The following CDH13 variants were observed in gnomAD, a reference collection of about 807,000 sequenced individuals.
The protein encoded by CDH13 is cadherin-13.
Under a neutral mutation model 63.8 loss-of-function variants are expected in CDH13, and 24 were observed. The ratio of observed to expected loss-of-function variants is 0.38; its 90% CI spans 0.27 to 0.53. The LOEUF is 0.53. CDH13 is among the 20% of genes least tolerant of loss of function. CDH13 has a pLI of 0.85. For missense variants in CDH13, 1,049 were observed against 903.1 expected, an observed-to-expected ratio of 1.16 and a Z score of -2.07; for synonymous variants, 503 against 355.3, an observed-to-expected ratio of 1.42 and a Z score of -4.67.
intron 6 of CDH13, among the ~76,000 whole-genome samples, chr16:83,370,387 C>CAA (rs760385414): frequency 0.011 from 1,116 of 104,556 alleles, 15 homozygotes; most frequent in African/African-American, 0.035. Flanking sequence ...GACTCCATTT[C>CAA]AAAAAAAAAA....
chr16:83,566,138 C>T (rs572262517), intron 7 of CDH13, among the ~76,000 whole-genome samples: 1 of 152,200 alleles, frequency 6.6e-6, no homozygotes, highest in East Asian at 1.9e-4. Context: ...TCTAAATTGG[C>T]CTGACAGTAC....
intron 1 of CDH13, among the ~76,000 whole-genome samples, chr16:82,789,020 G>A (rs192854220): frequency 5.9e-4 from 90 of 152,302 alleles, no homozygotes; most frequent in African/African-American, 2.1e-3. Context: ...TCACCTCTGG[G>A]TTGCAAAGGA....
At chr16:83,582,849 C>G (rs955790852) in intron 7 of CDH13, among the ~76,000 whole-genome samples, 2 of 152,196 alleles carry the variant, frequency 1.3e-5, no homozygotes, top group Non-Finnish European at 2.9e-5. Context: ...AGCCTGAACT[C>G]TAAGAAGCAT....
chr16:83,447,096 C>CTTTTTTTTTTTTTTTTTTTTTTTTTTTTT lies in CDH13; in HGVS notation c.782-39379_782-39351dup, dbSNP rs750432481. The stretch of plus-strand genomic sequence containing the variant: ...AAAACAAAAAACACCTTATAGTAAC[C>CTTTTTTTTTTTTTTTTTTTTTTTTTTTTT]TTTTTTTTTTTTTTTTTTTTTTTTT... On this transcript the variant is annotated intron_variant, in intron 6 of 13. Transcript: ENST00000567109. 9.6e-4 allele frequency among the ~76,000 whole-genome samples: 40 copies of CTTTTTTTTTTTTTTTTTTTTTTTTTTTTT among 41,518 alleles called. 10 individuals carry two copies. Among genetic ancestry groups the CTTTTTTTTTTTTTTTTTTTTTTTTTTTTT allele is most frequent in the Non-Finnish European group, 1.4e-3 (29 of 21,118 alleles). 27.2% of individuals were successfully genotyped at this position (41,518 alleles called of 152,430 possible).
intron 7 of CDH13, among the ~76,000 whole-genome samples, chr16:83,487,067 A>G (rs1190513698): frequency 2.0e-5 from 3 of 152,092 alleles, no homozygotes; most frequent in East Asian, 3.9e-4. Flanking sequence ...TCAAATGCCC[A>G]TGACTCCTTT....
At chr16:83,207,103 AT>A (rs954558556) in intron 4 of CDH13, among the ~76,000 whole-genome samples, 5 of 152,124 alleles carry the variant, frequency 3.3e-5, no homozygotes, top group Admixed American at 6.6e-5. Flanking sequence ...AGAAAATACT[AT>A]TTTTTTTAAT....
intron 6 of CDH13, among the ~76,000 whole-genome samples, chr16:83,375,226 A>C (rs2091438721): frequency 6.6e-6 from 1 of 152,200 alleles, no homozygotes; most frequent in South Asian, 2.1e-4. Flanking sequence ...CATTACATAG[A>C]AGGTTGGTTA....
chr16:83,585,131 T>A (rs1196706965), intron 7 of CDH13, among the ~76,000 whole-genome samples: 1 of 152,134 alleles, frequency 6.6e-6, no homozygotes, highest in African/African-American at 2.4e-5. Context: ...CAGACACGTG[T>A]CTCTGGTGGC....
intron 5 of CDH13, among the ~76,000 whole-genome samples, chr16:83,344,489 C>T (rs563828083): frequency 4.7e-4 from 71 of 152,282 alleles, no homozygotes; most frequent in Non-Finnish European, 1.5e-4. Flanking sequence ...ACTGCTTAGT[C>T]AATTATTTTT....
intron 6 of CDH13, among the ~76,000 whole-genome samples, chr16:83,444,858 G>A (rs2072623967): frequency 5.4e-3 from 1 of 184 alleles, no homozygotes; most frequent in Non-Finnish European, 0.071. Flanking sequence ...CAGCAAATCA[G>A]CAAATCAGCG....
chr16:82,894,537 G>A (rs888968661), intron 2 of CDH13, among the ~76,000 whole-genome samples: 7 of 152,270 alleles, frequency 4.6e-5, no homozygotes, highest in African/African-American at 1.4e-4. Context: ...AGCTACTTGG[G>A]AGGCTGAGGC....
At chr16:83,162,620 A>T (rs8045844) in intron 4 of CDH13, among the ~76,000 whole-genome samples, 32,910 of 150,888 alleles carry the variant, frequency 0.22, 4,965 homozygotes, top group African/African-American at 0.42. Context: ...TCTACTGAAG[A>T]GGTCCTCAAA....
intron 5 of CDH13, among the ~76,000 whole-genome samples, chr16:83,343,992 G>A (rs367620156): frequency 6.6e-6 from 1 of 152,230 alleles, no homozygotes; most frequent in Non-Finnish European, 1.5e-5. Context: ...CTGAGATCCA[G>A]TGTCTTGCTC....
intron 3 of CDH13, among the ~76,000 whole-genome samples, chr16:83,072,115 G>T (rs544418920): frequency 3.3e-5 from 5 of 152,192 alleles, no homozygotes; most frequent in South Asian, 4.1e-4. Flanking sequence ...GTCGAAAATT[G>T]TTCCATCTTT....
chr16:82,828,847 G>A (rs192498544), intron 1 of CDH13, among the ~76,000 whole-genome samples: 1 of 152,202 alleles, frequency 6.6e-6, no homozygotes, highest in Non-Finnish European at 1.5e-5. Context: ...TAGATTATAT[G>A]CGAATACTAT....
intron 6 of CDH13, among the ~76,000 whole-genome samples, chr16:83,466,553 C>G (rs2325831): frequency 0.54 from 82,024 of 152,074 alleles, 22,557 homozygotes; most frequent in East Asian, 0.83. Flanking sequence ...CCTTAACACA[C>G]TCCCCCTAAT....
intron 4 of CDH13, 88 bp downstream of exon 4, chr16:83,125,589 C>G: frequency 1.4e-6 from 1 of 699,754 alleles, no homozygotes; most frequent in Non-Finnish European, 2.5e-6. Context: ...TGGTGACCAG[C>G]TGGAATTAGT....
chr16:83,156,273 G>C (rs1243235169), intron 4 of CDH13, among the ~76,000 whole-genome samples: 1 of 152,094 alleles, frequency 6.6e-6, no homozygotes, highest in Non-Finnish European at 1.5e-5. Flanking sequence ...TTTGTTAAGG[G>C]CCACTGGTTC....
At chr16:83,336,778 G>T (rs1044344734) in intron 5 of CDH13, among the ~76,000 whole-genome samples, 1 of 152,222 alleles carries the variant, frequency 6.6e-6, no homozygotes, top group African/African-American at 2.4e-5. Flanking sequence ...TCCATGGACT[G>T]TGTGTCATGC....
Sources: allele counts gnomAD v4.1 joint callset (sites outside exome capture counted in the v4.1 genomes callset), GRCh38; gene constraint gnomAD v4.1.1; transcripts MANE v1.5; gene names NCBI Gene and HGNC (gene_info 2026-07-23, HGNC 2026-07-21).